Variants in PRSS53 observed in about 807,000 individuals in gnomAD.
The protein encoded by PRSS53 is serine protease 53.
Under a neutral mutation model 62.7 loss-of-function variants are expected in PRSS53, and 54 were observed. That is an observed-to-expected ratio of 0.86 (90% CI 0.69 to 1.08). The LOEUF (loss-of-function observed/expected upper bound fraction) is 1.08. PRSS53 is among the 50% of genes least tolerant of loss of function. The pLI is 0.00. For missense variants in PRSS53, 688 were observed against 728.3 expected, an observed-to-expected ratio of 0.94 and a Z score of 0.64; for synonymous variants, 273 against 300.0, an observed-to-expected ratio of 0.91 and a Z score of 0.93.
rs1441021823 is a variant in PRSS53 at position 31,084,297 on chromosome 16, G to GC, written c.1463dup (p.Thr489HisfsTer30). On this transcript the variant is annotated frameshift_variant, in exon 10 of 11. Coordinates refer to ENST00000280606, the Ensembl canonical transcript of PRSS53. LOFTEE classifies it high-confidence loss of function. ...TGTGCAGCCCGGCCAGGAACCATGT[G>GC]CCCCTCACCTCATGCACCAGTGGTG... 4 of 1,613,004 alleles carry GC rather than the reference G, an allele frequency of 2.5e-6. No individual in the cohort carries two copies. Among genetic ancestry groups the GC allele is most frequent in the Admixed American group, 3.3e-5 (2 of 59,984 alleles).
At chr16:31,084,466 C>A in intron 9 of PRSS53, 92 bp downstream of exon 9, 2 of 1,513,752 alleles carry the variant, frequency 1.3e-6, no homozygotes, top group East Asian at 2.4e-5. Context: ...GGAGGTGGGT[C>A]CAGAGGCCAA....
At chr16:31,088,553 A>C (rs542567340) in intron 1 of PRSS53, 199 bp downstream of exon 1, 13 of 1,434,736 alleles carry the variant, frequency 9.1e-6, no homozygotes, top group African/African-American at 4.3e-5. Context: ...CGCAAACTGC[A>C]GCTGGCCCGA....
At chr16:31,084,822 C>A in exon 8 of PRSS53, 1 of 1,544,234 alleles carries the variant, frequency 6.5e-7, no homozygotes, top group Non-Finnish European at 8.8e-7. Context: ...CCACGCTCCC[C>A]ATCAGGCAGG....
At chr16:31,084,912 T>G in exon 8 of PRSS53, 2 of 1,542,566 alleles carry the variant, frequency 1.3e-6, no homozygotes, top group Non-Finnish European at 1.8e-6. Context: ...AGGAGGGCCA[T>G]GTCGTAGCCC....
chr16:31,083,931 G>A (rs899777354), intron 10 of PRSS53, 122 bp from the exon 11 acceptor site: 11 of 1,540,440 alleles, frequency 7.1e-6, no homozygotes, highest in African/African-American at 4.1e-5. Context: ...GAATACTGAG[G>A]CTCAAAGCGG....
chr16:31,084,412 T>C, intron 9 of PRSS53, 77 bp from the exon 10 acceptor site: 6 of 1,509,632 alleles, frequency 4.0e-6, no homozygotes, highest in Non-Finnish European at 5.4e-6. Context: ...AGGGAACCTC[T>C]GGCTGTTTGG....
In PRSS53 at chr16:31,086,096, G is replaced by A. The variant is rs1441646116; in HGVS notation, c.751C>T (p.Gln251Ter). The A allele has an allele frequency of 6.2e-7, 1 of 1,613,750 alleles. No individual in the cohort carries two copies. Residue 251 changes from glutamine (Q) to a stop codon, truncating the protein, a stop_gained, in exon 6 of 11, where the codon CAG becomes TAG. Coordinates refer to ENST00000280606, the Ensembl canonical transcript of PRSS53. LOFTEE classifies it high-confidence loss of function. ...GTCAGCAGCACAGGAGCGTCCTCCT[G>A]GGCACAGCTTGATGCAAAGCTGATG...
intron 1 of PRSS53, 116 bp from the exon 2 acceptor site, chr16:31,087,942 C>T (rs2057252156): frequency 6.4e-7 from 1 of 1,553,568 alleles, no homozygotes; most frequent in African/African-American, 1.4e-5. Context: ...CTCTGATTAC[C>T]TTACCAGCCC....
exon 1 of PRSS53, chr16:31,088,767 T>C (rs932469042): frequency 3.7e-6 from 6 of 1,613,742 alleles, no homozygotes; most frequent in Non-Finnish European, 4.2e-6. Flanking sequence ...ATGAGGACTG[T>C]GGCACCCGCG....
In PRSS53 at chr16:31,087,528, A is replaced by G. The variant is rs1270315122; in HGVS notation, c.242+9T>C. 6.2e-7 allele frequency: 1 copy of G among 1,610,500 alleles called. No homozygotes were observed. Among genetic ancestry groups the G allele is most frequent in the East Asian group, 2.2e-5 (1 of 44,796 alleles). Reference sequence around the variant, plus strand: ...CCGGAGACCCTGCCTGACCCCAGCCATGACTTACTTTTCAAAGCAGTGGGC... The same window carrying G: ...CCGGAGACCCTGCCTGACCCCAGCCGTGACTTACTTTTCAAAGCAGTGGGC... On this transcript the variant is annotated intron_variant, in intron 3 of 10. Coordinates refer to ENST00000280606, the Ensembl canonical transcript of PRSS53.
At chr16:31,085,069 G>C (rs1398411666) in intron 7 of PRSS53, 41 bp downstream of exon 7, 1 of 1,611,772 alleles carries the variant, frequency 6.2e-7, no homozygotes, top group South Asian at 1.1e-5. Flanking sequence ...AGGGCTGCCG[G>C]CAGGGGCAGG....
At chr16:31,085,075 G>A in intron 7 of PRSS53, 35 bp downstream of exon 7, 1 of 1,612,458 alleles carries the variant, frequency 6.2e-7, no homozygotes, top group Non-Finnish European at 8.5e-7. Context: ...GCCGGCAGGG[G>A]CAGGGGGCAC....
At position 31,084,576 on chromosome 16, in the gene PRSS53, AC is replaced by A; in HGVS notation, c.1406del (p.Gly469ValfsTer18). 6.8e-6 allele frequency: 11 copies of A among 1,606,016 alleles called. No individual in the cohort carries two copies. Among genetic ancestry groups the A allele is most frequent in the African/African-American group, 1.3e-5 (1 of 74,866 alleles). ...GGCTCACCTCACAGCTGGGCAGCTCACCCACAGCACTGGTACACACCATCCC... is the reference window on the plus strand; with the variant it reads ...GGCTCACCTCACAGCTGGGCAGCTCACCACAGCACTGGTACACACCATCCC... On this transcript the variant is annotated frameshift_variant, in exon 9 of 11. Coordinates refer to ENST00000280606, the Ensembl canonical transcript of PRSS53. LOFTEE classifies it high-confidence loss of function.
At chr16:31,084,382 G>A (rs757407519) in intron 9 of PRSS53, 47 bp from the exon 10 acceptor site, 25 of 1,565,568 alleles carry the variant, frequency 1.6e-5, no homozygotes, top group Admixed American at 3.6e-5. Flanking sequence ...AGGCAGCTGT[G>A]CAGGACGGTA....
exon 11 of PRSS53, chr16:31,083,695 G>A: frequency 6.2e-7 from 1 of 1,606,210 alleles, no homozygotes; most frequent in South Asian, 1.1e-5. Flanking sequence ...CTGCCCTGGT[G>A]CCTGGAATCA....
exon 9 of PRSS53, chr16:31,084,563 A>G: frequency 6.2e-7 from 1 of 1,604,054 alleles, no homozygotes; most frequent in Non-Finnish European, 8.5e-7. Context: ...CTCACCTCAC[A>G]GCTGGGCAGC....
intron 1 of PRSS53, 181 bp downstream of exon 1, chr16:31,088,571 T>C: frequency 4.2e-6 from 6 of 1,431,854 alleles, no homozygotes; most frequent in Non-Finnish European, 4.6e-6. Context: ...CGAGAAAATC[T>C]CATCCATGTT....
intron 6 of PRSS53, 139 bp downstream of exon 6, chr16:31,085,825 C>T (rs2057226329): frequency 2.7e-6 from 2 of 737,680 alleles, no homozygotes; most frequent in Admixed American, 2.4e-5. Flanking sequence ...TCAGCCCTAA[C>T]AGGGCTGTTC....
At chr16:31,083,795 A>T in exon 11 of PRSS53, 1 of 1,614,102 alleles carries the variant, frequency 6.2e-7, no homozygotes, top group Non-Finnish European at 8.5e-7. Flanking sequence ...CCCTGTCAGC[A>T]GCTGGTTGGT....
Sources: gnomAD v4.1 joint callset for allele counts on GRCh38, gnomAD v4.1.1 for gene constraint, MANE v1.5 for transcripts, NCBI Gene and HGNC (gene_info 2026-07-23, HGNC 2026-07-21) for gene names.